The following CACNA1A variants were observed in gnomAD, a reference collection of about 807,000 sequenced individuals.
CACNA1A encodes voltage-dependent P/Q-type calcium channel subunit alpha-1A.
In CACNA1A, 57 loss-of-function variants were observed where a neutral mutation model predicts 262.4. The ratio of observed to expected loss-of-function variants is 0.22; its 90% CI spans 0.18 to 0.27. The LOEUF is 0.27. Ranked by LOEUF, CACNA1A falls within the 10% of genes least tolerant of loss-of-function variation. The pLI, the probability that CACNA1A is intolerant of heterozygous loss-of-function variation, is 1.00. For missense variants in CACNA1A, 2,526 were observed against 3,562.8 expected (o/e 0.71, Z 7.41); for synonymous variants, 1,431 against 1,419.3 (o/e 1.01, Z -0.18).
chr19:13,227,401 G>T, intron 37 of CACNA1A, 30 bp downstream of exon 37: 2 of 1,193,884 alleles, frequency 1.7e-6, no homozygotes, highest in Non-Finnish European at 2.4e-6. Context: ...CCCAGTGCCT[G>T]GACGTCGGTG....
At chr19:13,407,967 C>T (rs1214649261) in intron 3 of CACNA1A, among the ~76,000 whole-genome samples, 1 of 149,334 alleles carries the variant, frequency 6.7e-6, no homozygotes, top group Non-Finnish European at 1.5e-5. Context: ...TTTTGTAGCA[C>T]TCCCCCCCTC....
chr19:13,481,070 G>T (rs985024032), intron 1 of CACNA1A, among the ~76,000 whole-genome samples: 2 of 152,112 alleles, frequency 1.3e-5, no homozygotes, highest in Admixed American at 1.3e-4. Context: ...TGTTACACGG[G>T]ATGATAACAG....
intron 3 of CACNA1A, among the ~76,000 whole-genome samples, chr19:13,443,741 C>G (rs2060764296): frequency 6.6e-6 from 1 of 152,152 alleles, no homozygotes; most frequent in African/African-American, 2.4e-5. Flanking sequence ...CCTAAGGACA[C>G]TGGGTTGAAT....
rs917246922 is a variant in CACNA1A, at chr19:13,359,492, G to C, written c.978+114C>G. 7.7e-6 allele frequency: 6 copies of C among 781,744 alleles called. No individual in the cohort carries two copies. In the African/African-American group the frequency reaches 1.0e-4, roughly 13 times the overall value. The allele number at this position is 781,744 out of a possible 1,614,324, so 48.4% of individuals were successfully genotyped here. A position where few individuals can be genotyped will look rare whatever the true frequency, so the allele number is the denominator to read the frequency against. Reference sequence around the variant, plus strand: ...TTCAGTGGGGCTGTGTTGTCCTTGGGCTGCCTTTCCCAGCTCAGGGTCCCT... The same window carrying C: ...TTCAGTGGGGCTGTGTTGTCCTTGGCCTGCCTTTCCCAGCTCAGGGTCCCT... On this transcript the variant is annotated intron_variant, in intron 6 of 46. Coordinates refer to ENST00000360228, the MANE Select transcript of CACNA1A (RefSeq NM_001127222.2).
At chr19:13,463,320 T>G (rs181131710) in intron 1 of CACNA1A, among the ~76,000 whole-genome samples, 1 of 152,154 alleles carries the variant, frequency 6.6e-6, no homozygotes, top group Non-Finnish European at 1.5e-5. Flanking sequence ...TATTCATGAC[T>G]ATTTCAACTT....
intron 23 of CACNA1A, 57 bp downstream of exon 23, chr19:13,277,012 C>T: frequency 1.7e-6 from 2 of 1,172,846 alleles, no homozygotes; most frequent in Non-Finnish European, 2.5e-6. Flanking sequence ...GTGCCCAGCC[C>T]TGCACTTGCT....
At chr19:13,229,253 C>G (rs925602283) in intron 36 of CACNA1A, 1 of 153,184 alleles carries the variant, frequency 6.5e-6, no homozygotes, top group Non-Finnish European at 1.5e-5. Flanking sequence ...CCACCTTCCT[C>G]GTGACGGCCT....
At chr19:13,480,249 G>A (rs946510579) in intron 1 of CACNA1A, among the ~76,000 whole-genome samples, 2 of 152,068 alleles carry the variant, frequency 1.3e-5, no homozygotes, top group East Asian at 3.8e-4. Flanking sequence ...TGCCACCCCT[G>A]AGACAACAAG....
rs534127375 is a variant in CACNA1A at position 13,399,772 on chromosome 19, G to C, written c.540-27993C>G. 4.6e-5 allele frequency among the ~76,000 whole-genome samples: 7 copies of C among 152,260 alleles called. No homozygotes were observed. The South Asian group carries it at 1.5e-3, about 32-fold the overall frequency. ...GCTCTCCTTTGAATTCAGACATCAT[G>C]GTCATGTTTCATAAGATAAGGGACG... On this transcript the variant is annotated intron_variant, in intron 3 of 46. Transcript: ENST00000360228.
At chr19:13,354,749 C>A (rs535438748) in intron 6 of CACNA1A, among the ~76,000 whole-genome samples, 2 of 152,062 alleles carry the variant, frequency 1.3e-5, no homozygotes, top group African/African-American at 4.8e-5. Flanking sequence ...TAATTGCAGA[C>A]GTAATTAGTT....
chr19:13,296,564 T>A (rs192448197), intron 19 of CACNA1A, among the ~76,000 whole-genome samples: 2 of 152,332 alleles, frequency 1.3e-5, no homozygotes, highest in Non-Finnish European at 1.5e-5. Context: ...CATTTTTATT[T>A]ATTTTTAAAA....
rs1034499034 is a variant in CACNA1A at position 13,214,793 on chromosome 19, G to A, written c.5732-185C>T. On this transcript the variant is annotated intron_variant, in intron 38 of 46. Transcript: ENST00000360228. The surrounding 1 kb of genome is among the most constrained non-coding windows in gnomAD (Gnocchi z 4.1). ...GCAGTGCTGCTGGAATGACCTTGTG[G>A]GCTCTGGTTTTCGGTGGGGCCAGGA... The A allele has an allele frequency of 4.2e-5, 25 of 602,248 alleles. No homozygotes were observed. Among genetic ancestry groups the A allele is most frequent in the Middle Eastern group, 4.4e-4 (1 of 2,272 alleles). 37.3% of individuals were successfully genotyped at this position (602,248 alleles called of 1,614,324 possible).
intron 6 of CACNA1A, among the ~76,000 whole-genome samples, chr19:13,341,792 ATACTT>A (rs2058680815): frequency 6.6e-6 from 1 of 151,948 alleles, no homozygotes; most frequent in African/African-American, 2.4e-5. Context: ...CACCGCCTAT[ATACTT>A]TACTTATTTC....
rs2055370745 is a variant in CACNA1A, at chr19:13,224,744, G to C, written c.5654C>G (p.Ala1885Gly). ...KRLLRMDLPV[A>G]DDNTVHFNST... ...ATTGAAGTGGACGGTGTTGTCATCT[G>C]CGACGGGCAGGTCCATCCGCAGAAG... The change falls in exon 38 of 47, where the codon GCA (alanine) becomes GGA (glycine). Residue 1885 changes from alanine (A) to glycine (G), a missense_variant. By Grantham distance (60) the Ala-to-Gly change is moderately conservative. Around this residue, in one of 17 missense-constraint regions of CACNA1A, gnomAD observed 112 missense variants for 197.2 expected, o/e 0.57. Transcript: ENST00000360228. 5.0e-6 allele frequency: 8 copies of C among 1,610,332 alleles called. No individual in the cohort carries two copies. The highest frequency in any genetic ancestry group is 6.8e-6 in the Non-Finnish European group (8 of 1,178,582).
chr19:13,407,626 G>A lies in CACNA1A; in HGVS notation c.540-35847C>T, dbSNP rs118044348. ...GGGATGGGTGTACCATAGTTTATCC[G>A]ACAGTTCTTGTTGATGGAGACGTCC... is the stretch of plus-strand genomic sequence containing the variant. On this transcript the variant is annotated intron_variant, in intron 3 of 46. Transcript: ENST00000360228. 1.2e-3 allele frequency among the ~76,000 whole-genome samples: 179 copies of A among 152,244 alleles called. 4 individuals carry two copies. In the East Asian group the frequency reaches 0.028, roughly 23 times the overall value.
At chr19:13,259,777 A>AG in intron 26 of CACNA1A, 76 bp from the exon 27 acceptor site, 2 of 1,527,462 alleles carry the variant, frequency 1.3e-6, no homozygotes, top group Non-Finnish European at 1.8e-6. Context: ...TATCAGAGAC[A>AG]GGGGGAGGGA....
chr19:13,432,538 G>C (rs535321827), intron 3 of CACNA1A, among the ~76,000 whole-genome samples: 7 of 152,174 alleles, frequency 4.6e-5, no homozygotes, highest in Admixed American at 4.6e-4. Flanking sequence ...GAGGGATTGG[G>C]GAGATATTAG....
intron 46 of CACNA1A, 21 bp downstream of exon 46, chr19:13,208,735 G>A (rs1398599019): frequency 6.4e-7 from 1 of 1,561,652 alleles, no homozygotes; most frequent in Non-Finnish European, 8.6e-7. Flanking sequence ...CCAGCCTGGG[G>A]TCACTTGCAG....
intron 6 of CACNA1A, among the ~76,000 whole-genome samples, chr19:13,348,565 C>A (rs1384446656): frequency 1.3e-5 from 2 of 151,898 alleles, no homozygotes; most frequent in African/African-American, 2.4e-5. Flanking sequence ...TTGGCAGGCA[C>A]AGTGGCTCAC....
Sources: allele counts gnomAD v4.1 joint callset (sites outside exome capture counted in the v4.1 genomes callset), GRCh38; gene constraint gnomAD v4.1.1; regional missense constraint gnomAD v4.1.1; non-coding constraint Gnocchi (gnomAD v3.1); transcripts MANE v1.5; gene names NCBI Gene and HGNC (gene_info 2026-07-23, HGNC 2026-07-21).